The following SPG11 variants were observed in gnomAD, a reference collection of about 807,000 sequenced individuals.
SPG11 encodes SPG11 vesicle trafficking associated, spatacsin.
A neutral mutation model predicts 274.0 loss-of-function variants in SPG11; 222 were observed. The observed-to-expected ratio is 0.81, with a 90% CI of 0.73 to 0.91. The LOEUF (loss-of-function observed/expected upper bound fraction) is 0.91. Among genes scored for constraint, SPG11 ranks in the 40% least tolerant of loss-of-function variants. SPG11 has a pLI of 0.00. For missense variants in SPG11, 3,114 were observed against 2,872.7 expected (o/e 1.08, Z -1.92); for synonymous variants, 1,144 against 1,039.7 (o/e 1.10, Z -1.93).
At chr15:44,571,970 T>TA (rs1192399907) in intron 33 of SPG11, among the ~76,000 whole-genome samples, 1 of 152,208 alleles carries the variant, frequency 6.6e-6, no homozygotes, top group Non-Finnish European at 1.5e-5. Flanking sequence ...TTTTTAAAAA[T>TA]ATTTTTAGAG....
intron 20 of SPG11, among the ~76,000 whole-genome samples, chr15:44,604,622 G>T (rs2083273448): frequency 6.6e-6 from 1 of 152,026 alleles, no homozygotes; most frequent in Non-Finnish European, 1.5e-5. Flanking sequence ...TTAAATACAG[G>T]TTTCCAATTT....
rs1358019293 is a variant in SPG11, at chr15:44,563,177, C to T, written c.7276G>A (p.Val2426Met). 3.1e-6 allele frequency: 5 copies of T among 1,614,174 alleles called. No individual in the cohort carries two copies. The highest frequency in any genetic ancestry group is 4.2e-6 in the Non-Finnish European group (5 of 1,180,022). ...CCTGTCTGAGGGTCCTTCAGAAGCA[C>T]ATTTACAATTTCATAAAACTTGTGT... is the stretch of plus-strand genomic sequence containing the variant. ...YEHKFYEIVN[V>M]LLKDPQTGCC... Residue 2426 changes from valine to methionine, a missense_variant, in exon 40 of 40, where the codon GTG (valine) becomes ATG (methionine). By Grantham distance (21) the Val-to-Met change is conservative. Coordinates refer to ENST00000261866, the MANE Select transcript of SPG11 (RefSeq NM_025137.4).
chr15:44,625,840 C>T (rs950833328), intron 11 of SPG11, among the ~76,000 whole-genome samples: 6 of 152,108 alleles, frequency 3.9e-5, no homozygotes, highest in South Asian at 2.1e-4. Context: ...CCACCACACC[C>T]GGCTTATTTT....
chr15:44,663,269 T>C, intron 1 of SPG11, 122 bp downstream of exon 1: 1 of 1,357,334 alleles, frequency 7.4e-7, no homozygotes, highest in South Asian at 1.3e-5. Context: ...TTCCTGCAGC[T>C]GGCACCCTTC....
At chr15:44,570,738 AGGGCCTGGTGGAGAAG>A (rs746849064) in intron 33 of SPG11, 80 bp from the exon 34 acceptor site, 14 of 1,554,410 alleles carry the variant, frequency 9.0e-6, no homozygotes, top group Non-Finnish European at 1.0e-5. Context: ...GGAGGGAAAA[AGGGCCTGGTGGAGAAG>A]GGGCCTGTCT....
In SPG11 at chr15:44,579,308, T is replaced by C. The variant is rs555223932; in HGVS notation, c.5867-4267A>G. On this transcript the variant is annotated intron_variant, in intron 30 of 39. Transcript: ENST00000261866. ...GGGAGGCCGAGGTGGGTGGATCACC[T>C]GCAGTCAGGCGTTTGAGAGCAGCCT... Among the ~76,000 whole-genome samples the C allele has an allele frequency of 2.6e-5, 4 of 151,198 alleles. No homozygotes were observed. The South Asian group carries it at 6.3e-4, about 24-fold the overall frequency.
chr15:44,658,420 G>A (rs141677261), intron 3 of SPG11, among the ~76,000 whole-genome samples: 5 of 151,016 alleles, frequency 3.3e-5, no homozygotes, highest in Admixed American at 1.3e-4. Context: ...ACAAGAGGTA[G>A]ACTATATTTA....
In SPG11 at chr15:44,622,770, C is replaced by A; in HGVS notation, c.2274G>T (p.Lys758Asn). The A allele has an allele frequency of 6.2e-7, 1 of 1,613,740 alleles. No individual in the cohort carries two copies. The highest frequency in any genetic ancestry group is 8.5e-7 in the Non-Finnish European group (1 of 1,179,806). The change falls in exon 12 of 40, where the codon AAG becomes AAT. Residue 758 changes from lysine to asparagine, a missense_variant. Coordinates refer to ENST00000261866, the MANE Select transcript of SPG11 (RefSeq NM_025137.4). ...TTTTATTAGTTGTATAGAAGCAGATCTTGAGCAATTGGCCTTTTACATCAA... is the reference window on the plus strand; with the variant it reads ...TTTTATTAGTTGTATAGAAGCAGATATTGAGCAATTGGCCTTTTACATCAA... ...MGFDVKGQLL[K>N]ICFYTTNKNI...
Position 44,598,771 on chromosome 15 carries a change from C to G in SPG11, c.3752G>C (p.Gly1251Ala). ...TTCTAAGAAACAAACACATGCAGCT[C>G]CTATTGAAGGTATGTGGAAGGAGGA... Reference protein sequence around the residue: ...GLSSFHIPSIGAACVCFLELL... With the variant: ...GLSSFHIPSIAAACVCFLELL... Residue 1251 changes from glycine to alanine, a missense_variant, in exon 22 of 40, where the codon GGA becomes GCA. By Grantham distance (60) the Gly-to-Ala change is moderately conservative. Transcript: ENST00000261866. 6.2e-7 allele frequency: 1 copy of G among 1,614,144 alleles called. No homozygotes were observed. The highest frequency in any genetic ancestry group is 8.5e-7 in the Non-Finnish European group (1 of 1,180,026).
chr15:44,629,453 C>T, intron 8 of SPG11, 65 bp from the exon 9 acceptor site: 1 of 1,471,816 alleles, frequency 6.8e-7, no homozygotes, highest in South Asian at 1.2e-5. Flanking sequence ...ATTAACATAT[C>T]AAAAATATCA....
intron 7 of SPG11, among the ~76,000 whole-genome samples, chr15:44,636,925 CAAAAAAAAAAAAAAAAAAA>C (rs370928375): frequency 0.17 from 3,334 of 19,448 alleles, 68 homozygotes; most frequent in Middle Eastern, 0.28. Flanking sequence ...GACTCCATCT[CAAAAAAAAAAAAAAAAAAA>C]AAAAAAAAAA....
chr15:44,621,661 AG>A (rs2083754820), intron 14 of SPG11, 97 bp downstream of exon 14: 1 of 1,201,784 alleles, frequency 8.3e-7, no homozygotes, highest in South Asian at 1.3e-5. Context: ...ATTTCCCGAA[AG>A]GAATTCTAAA....
intron 3 of SPG11, among the ~76,000 whole-genome samples, chr15:44,658,272 G>A (rs1351740556): frequency 6.6e-6 from 1 of 151,912 alleles, no homozygotes; most frequent in Non-Finnish European, 1.5e-5. Flanking sequence ...TCATATAAGG[G>A]GTAATTTGTC....
chr15:44,616,207 CTTTTTTTTT>C (rs534285308), intron 15 of SPG11, among the ~76,000 whole-genome samples: 2 of 138,168 alleles, frequency 1.4e-5, no homozygotes, highest in Admixed American at 7.4e-5. Context: ...CATTCCCATA[CTTTTTTTTT>C]TTTTTTTTTG....
At chr15:44,583,705 T>TAA (rs2082699515) in intron 30 of SPG11, 109 bp downstream of exon 30, 1 of 1,459,024 alleles carries the variant, frequency 6.9e-7, no homozygotes, top group African/African-American at 1.4e-5. Flanking sequence ...AAAAAGTTGT[T>TAA]GTCCCCTTAA....
chr15:44,650,130 C>A (rs747686986), intron 6 of SPG11, among the ~76,000 whole-genome samples: 1 of 152,070 alleles, frequency 6.6e-6, no homozygotes, highest in Non-Finnish European at 1.5e-5. Flanking sequence ...ATGAATTATG[C>A]GGTGAATGAA....
intron 19 of SPG11, 111 bp downstream of exon 19, chr15:44,608,333 G>T: frequency 8.6e-7 from 1 of 1,162,988 alleles, no homozygotes; most frequent in Non-Finnish European, 1.3e-6. Context: ...CTATCATGCT[G>T]TGTAAGTAAT....
chr15:44,648,835 A>G (rs751175762), intron 7 of SPG11, 31 bp downstream of exon 7: 1 of 1,608,226 alleles, frequency 6.2e-7, no homozygotes, highest in South Asian at 1.1e-5. Flanking sequence ...AAAATAATTA[A>G]GTAATGTTCT....
chr15:44,659,830 G>T (rs1171302605), intron 2 of SPG11, among the ~76,000 whole-genome samples: 1 of 152,230 alleles, frequency 6.6e-6, no homozygotes, highest in African/African-American at 2.4e-5. Flanking sequence ...GGAGGCCCAG[G>T]TGGGCAGATC....
Sources: gnomAD v4.1 joint callset for allele counts (sites outside exome capture counted in the v4.1 genomes callset) on GRCh38, gnomAD v4.1.1 for gene constraint, MANE v1.5 for transcripts, NCBI Gene and HGNC (gene_info 2026-07-23, HGNC 2026-07-21) for gene names.